MYBPH: variants seen among roughly 807,000 people sequenced by gnomAD.
The protein encoded by MYBPH is myosin-binding protein H.
A neutral mutation model predicts 53.6 loss-of-function variants in MYBPH; 49 were observed. The observed-to-expected ratio is 0.91, with a 90% CI of 0.73 to 1.16. The LOEUF is 1.16. Ranked by LOEUF, MYBPH falls within the 50% of genes most tolerant of loss-of-function variation. MYBPH has a pLI of 0.00. For synonymous variants in MYBPH, 239 were observed against 249.6 expected (o/e 0.96, Z 0.40); for missense variants, 558 against 624.1 (o/e 0.89, Z 1.13).
intron 10 of MYBPH, 66 bp downstream of exon 10, chr1:203,168,561 C>T (rs1043477528): frequency 2.0e-6 from 3 of 1,491,724 alleles, no homozygotes; most frequent in Non-Finnish European, 2.7e-6. Flanking sequence ...ACCCCCTGCT[C>T]CTGGCCTCCT....
At chr1:203,173,219 A>G (rs1655734353) in intron 3 of MYBPH, among the ~76,000 whole-genome samples, 1 of 152,170 alleles carries the variant, frequency 6.6e-6, no homozygotes, top group Admixed American at 6.5e-5. Context: ...TCAGAGTCTG[A>G]GCTCCCTGGT....
chr1:203,168,458 A>G (rs1456557291), intron 10 of MYBPH, among the ~76,000 whole-genome samples, 169 bp downstream of exon 10: 1 of 152,162 alleles, frequency 6.6e-6, no homozygotes, highest in Non-Finnish European at 1.5e-5. Flanking sequence ...TGGCCCTGCA[A>G]CATCACTGTG....
Position 203,174,228 on chromosome 1 carries a change from C to G in MYBPH, c.508+202G>C, listed in dbSNP as rs930232845. ...GGGGCTGGACCACTCAGGGAAATGGCTTCTTAGACCTCCAGAGGCCCCTTA... is the reference window on the plus strand; with the variant it reads ...GGGGCTGGACCACTCAGGGAAATGGGTTCTTAGACCTCCAGAGGCCCCTTA... On this transcript the variant is annotated intron_variant, in intron 3 of 10. Transcript: ENST00000255416. The G allele has an allele frequency of 4.6e-6, 4 of 860,410 alleles. No individual in the cohort carries two copies. The African/African-American group carries it at 7.3e-5, about 16-fold the overall frequency. 53.3% of individuals were successfully genotyped at this position (860,410 alleles called of 1,614,324 possible).
Position 203,168,646 on chromosome 1 carries a change from T to C in MYBPH, c.*13A>G, listed in dbSNP as rs901536134. The C allele has an allele frequency of 2.7e-6, 4 of 1,457,622 alleles. No homozygotes were observed. The highest frequency in any genetic ancestry group is 3.6e-6 in the Non-Finnish European group (4 of 1,100,194). 90.3% of individuals were successfully genotyped at this position (1,457,622 alleles called of 1,614,324 possible). A position where few individuals can be genotyped will look rare whatever the true frequency, so the allele number is the denominator to read the frequency against. The stretch of plus-strand genomic sequence containing the variant: ...ATTTACCTGGCTCCTCATCACAGCC[T>C]CCTCCCGTGACTTCAGTGTGCGGCT... On this transcript the variant is annotated 3_prime_UTR_variant, in exon 10 of 11. Transcript: ENST00000255416.
chr1:203,172,084 G>C, intron 3 of MYBPH, 44 bp from the exon 4 acceptor site: 1 of 1,193,906 alleles, frequency 8.4e-7, no homozygotes, highest in Non-Finnish European at 1.1e-6. Context: ...CAGTGGGGTG[G>C]CTGATTGGGG....
intron 3 of MYBPH, among the ~76,000 whole-genome samples, chr1:203,173,083 A>T (rs1655730322): frequency 6.6e-6 from 1 of 152,100 alleles, no homozygotes; most frequent in Non-Finnish European, 1.5e-5. Flanking sequence ...GCTGTTCCCC[A>T]CTTGTTCACA....
chr1:203,176,207 G>A (rs1489345922), upstream of MYBPH, among the ~76,000 whole-genome samples: 1 of 152,216 alleles, frequency 6.6e-6, no homozygotes, highest in Admixed American at 6.5e-5. Context: ...CTCAGACTGG[G>A]TGCTGGGGCC....
At chr1:203,177,750 C>T (rs1395287358), upstream of MYBPH, among the ~76,000 whole-genome samples, 1 of 152,250 alleles carries the variant, frequency 6.6e-6, no homozygotes, top group Non-Finnish European at 1.5e-5. Context: ...GGGCAGTTGG[C>T]TGCCCACAAG....
At chr1:203,176,474 G>C (rs886301207), upstream of MYBPH, among the ~76,000 whole-genome samples, 1 of 152,154 alleles carries the variant, frequency 6.6e-6, no homozygotes, top group African/African-American at 2.4e-5. Flanking sequence ...CGTCTCCCCT[G>C]ATGCCTGCTG....
At chr1:203,172,118 G>A (rs1240162176) in intron 3 of MYBPH, 78 bp from the exon 4 acceptor site, 3 of 892,010 alleles carry the variant, frequency 3.4e-6, no homozygotes, top group Non-Finnish European at 4.5e-6. Context: ...GCAGGGGACA[G>A]CTGGTGAGGG....
At chr1:203,177,288 C>T (rs1327186284), upstream of MYBPH, among the ~76,000 whole-genome samples, 1 of 152,234 alleles carries the variant, frequency 6.6e-6, no homozygotes, top group Non-Finnish European at 1.5e-5. Flanking sequence ...ATGAGGTTTC[C>T]TTTCCTGACC....
chr1:203,170,282 C>A lies in MYBPH; in HGVS notation c.1093+9G>T. On this transcript the variant is annotated intron_variant, in intron 7 of 10. Coordinates refer to ENST00000255416, the MANE Select transcript of MYBPH (RefSeq NM_004997.3). ...GAGTTAGCACAGCCAGCTCCGGGCC[C>A]AAACCCACCTGCCTTCTGGATGTGG... 6.2e-7 allele frequency: 1 copy of A among 1,613,914 alleles called. No individual in the cohort carries two copies. Among genetic ancestry groups the A allele is most frequent in the Non-Finnish European group, 8.5e-7 (1 of 1,179,932 alleles).
rs1655687617 is a variant in MYBPH, at chr1:203,171,158, C to G, written c.836G>C (p.Trp279Ser). 6.2e-7 allele frequency: 1 copy of G among 1,612,614 alleles called. No homozygotes were observed. Among genetic ancestry groups the G allele is most frequent in the African/African-American group, 1.3e-5 (1 of 75,012 alleles). Reference protein sequence around the residue: ...PPSSIRLLDVWGCNAALQWTP... With the variant: ...PPSSIRLLDVSGCNAALQWTP... ...CCACTGAAGAGCAGCATTGCAGCCCCAGACGTCCAGGAGCCTGATGCTGCT... is the reference window on the plus strand; with the variant it reads ...CCACTGAAGAGCAGCATTGCAGCCCGAGACGTCCAGGAGCCTGATGCTGCT... Residue 279 changes from tryptophan to serine, a missense_variant, in exon 6 of 11, where the codon TGG (tryptophan) becomes TCG (serine). Transcript: ENST00000255416. The surrounding 1 kb of genome is among the most constrained non-coding windows in gnomAD (Gnocchi z 4.2).
chr1:203,170,173 G>T, intron 7 of MYBPH, 118 bp downstream of exon 7: 2 of 1,280,036 alleles, frequency 1.6e-6, no homozygotes, highest in Non-Finnish European at 2.2e-6. Flanking sequence ...GTGAGGAGAC[G>T]GCAAGTGTTC....
In MYBPH at chr1:203,171,161, A is replaced by C; in HGVS notation, c.833T>G (p.Val278Gly). The change falls in exon 6 of 11, where the codon GTC becomes GGC. Residue 278 changes from valine to glycine, a missense_variant. By Grantham distance (109) the Val-to-Gly change is moderately radical. Transcript: ENST00000255416. The surrounding 1 kb of genome is among the most constrained non-coding windows in gnomAD (Gnocchi z 4.2). ...GPPSSIRLLD[V>G]WGCNAALQWT... ...CTGAAGAGCAGCATTGCAGCCCCAG[A>C]CGTCCAGGAGCCTGATGCTGCTGGG... 6.2e-7 allele frequency: 1 copy of C among 1,612,316 alleles called. No homozygotes were observed. Among genetic ancestry groups the C allele is most frequent in the Non-Finnish European group, 8.5e-7 (1 of 1,179,162 alleles).
At chr1:203,173,037 T>G (rs1291974389) in intron 3 of MYBPH, among the ~76,000 whole-genome samples, 1 of 152,202 alleles carries the variant, frequency 6.6e-6, no homozygotes, top group Non-Finnish European at 1.5e-5. Flanking sequence ...CCAAGGATCC[T>G]GGACAGGGCC....
At position 203,169,053 on chromosome 1, in the gene MYBPH, C is replaced by T; in HGVS notation, c.1270G>A (p.Gly424Ser). ...IWMKNKMEIQ[G>S]NPKYRALSEQ... ...GAGAGGGCGCGGTATTTGGGGTTGC[C>T]CTGGATCTCCATCTTGTTTTTCATC... The change falls in exon 9 of 11, where the codon GGC (glycine) becomes AGC (serine). Residue 424 changes from glycine to serine, a missense_variant. Coordinates refer to ENST00000255416, the MANE Select transcript of MYBPH (RefSeq NM_004997.3). 6.2e-7 allele frequency: 1 copy of T among 1,613,912 alleles called. No homozygotes were observed. Among genetic ancestry groups the T allele is most frequent in the Non-Finnish European group, 8.5e-7 (1 of 1,180,020 alleles).
upstream of MYBPH, among the ~76,000 whole-genome samples, chr1:203,176,088 C>CCGCG (rs1482434986): frequency 3.9e-5 from 6 of 152,180 alleles, no homozygotes; most frequent in East Asian, 9.7e-4. Context: ...ATCGAGCAGG[C>CCGCG]CGCGTGCCAG....
Position 203,172,039 on chromosome 1 carries a change from C to T in MYBPH, c.510G>A (p.Glu170=), listed in dbSNP as rs202187223. Residue 170 remains glutamate (E), a splice_region_variant and synonymous_variant, in exon 4 of 11, where the codon GAG becomes GAA. Transcript: ENST00000255416. The stretch of plus-strand genomic sequence containing the variant: ...GGCGGGGGACACGGATCTTGGGGGC[C>T]TCTGGATCAAAGCAAGAGTCTGGGC... ...DQPIHIRENI[E]APKIRVPRHL... The T allele has an allele frequency of 2.7e-5, 35 of 1,314,966 alleles. No homozygotes were observed. In the Admixed American group the frequency reaches 8.0e-4, roughly 30 times the overall value. 81.5% of individuals were successfully genotyped at this position (1,314,966 alleles called of 1,614,324 possible).
Sources: allele counts gnomAD v4.1 joint callset (sites outside exome capture counted in the v4.1 genomes callset), GRCh38; gene constraint gnomAD v4.1.1; non-coding constraint Gnocchi (gnomAD v3.1); transcripts MANE v1.5; gene names NCBI Gene and HGNC (gene_info 2026-07-23, HGNC 2026-07-21).